PLAGL2: variants seen among roughly 807,000 people sequenced by gnomAD.
PLAGL2 encodes the protein zinc finger protein PLAGL2.
A neutral mutation model predicts 29.0 loss-of-function variants in PLAGL2; 7 were observed. The ratio of observed to expected loss-of-function variants is 0.24; its 90% CI spans 0.14 to 0.45. PLAGL2 has a LOEUF of 0.45. Among genes scored for constraint, PLAGL2 ranks in the 20% least tolerant of loss-of-function variants. The probability of loss-of-function intolerance (pLI) is 0.99; values close to 1 mark genes in which losing one functional copy is unlikely to be tolerated. For missense variants in PLAGL2, 454 were observed against 648.2 expected (o/e 0.70, Z 3.25); for synonymous variants, 234 against 266.0 (o/e 0.88, Z 1.17).
At chr20:32,202,333 A>T (rs1023790837) in intron 1 of PLAGL2, 41 bp from the exon 2 acceptor site, 2 of 669,210 alleles carry the variant, frequency 3.0e-6, no homozygotes, top group African/African-American at 3.6e-5. Context: ...GCCCAATACC[A>T]TGAGAACATG....
chr20:32,202,021 T>C lies in PLAGL2; in HGVS notation c.158A>G (p.Glu53Gly), dbSNP rs1330359408. ...CGGGAGGCTGTGAGGCCTCAGCTTC[T>C]CCCCATTTGAGAAAGGTGTTCCCGA... is the stretch of plus-strand genomic sequence containing the variant. ...EISGTPFSNG[E>G]KLRPHSLPQP... The change falls in exon 2 of 3, where the codon GAG (glutamate) becomes GGG (glycine). Residue 53 changes from glutamate (E) to glycine (G), a missense_variant. Physicochemically the swap from Glu to Gly is moderately conservative, Grantham distance 98. Around this residue, in one of 4 missense-constraint regions of PLAGL2, gnomAD observed 89 missense variants for 90.4 expected, o/e 0.98. Transcript: ENST00000246229. 6.2e-7 allele frequency: 1 copy of C among 1,614,080 alleles called. No homozygotes were observed. The highest frequency in any genetic ancestry group is 8.5e-7 in the Non-Finnish European group (1 of 1,180,014).
intron 1 of PLAGL2, among the ~76,000 whole-genome samples, chr20:32,204,080 C>A (rs1173142624): frequency 6.6e-6 from 1 of 152,136 alleles, no homozygotes; most frequent in Non-Finnish European, 1.5e-5. Flanking sequence ...GTTTGTAATA[C>A]CAGCAATTAC....
At chr20:32,199,053 T>C (rs1216502892) in intron 2 of PLAGL2, among the ~76,000 whole-genome samples, 1 of 152,168 alleles carries the variant, frequency 6.6e-6, no homozygotes, top group South Asian at 2.1e-4. Context: ...CAGCACCCAC[T>C]GTTTGCCAGG....
intron 1 of PLAGL2, among the ~76,000 whole-genome samples, chr20:32,203,933 A>G (rs2047272830): frequency 2.0e-5 from 3 of 152,184 alleles, no homozygotes; most frequent in Admixed American, 6.5e-5. Flanking sequence ...AGGGGTAGGT[A>G]GCACTAAAAA....
In PLAGL2 at chr20:32,195,415, G is replaced by A. The variant is rs1433436356; in HGVS notation, c.*1037C>T. On this transcript the variant is annotated 3_prime_UTR_variant, in exon 3 of 3. Coordinates refer to ENST00000246229, the MANE Select transcript of PLAGL2 (RefSeq NM_002657.3). ...TCATGATGTTCAAGGTGGGGACTAG[G>A]GGATGGGGAGGTGACGGACGTGGGC... 1.3e-5 allele frequency: 2 copies of A among 152,678 alleles called. No homozygotes were observed. The highest frequency in any genetic ancestry group is 2.9e-5 in the Non-Finnish European group (2 of 68,082). 9.5% of individuals were successfully genotyped at this position (152,678 alleles called of 1,614,324 possible).
At chr20:32,206,388 T>G (rs1326938135) in intron 1 of PLAGL2, among the ~76,000 whole-genome samples, 2 of 152,204 alleles carry the variant, frequency 1.3e-5, no homozygotes, top group Non-Finnish European at 2.9e-5. Context: ...CTGCTAATTC[T>G]TCTGTCAGTG....
chr20:32,196,401 A>T lies in PLAGL2; in HGVS notation c.*51T>A. ...CATGGGGGACACAGACGGGGTGGGT[A>T]CTAAGGCTCCATAACAGAGCCAAAA... On this transcript the variant is annotated 3_prime_UTR_variant, in exon 3 of 3. Transcript: ENST00000246229. 7.4e-7 allele frequency: 1 copy of T among 1,342,394 alleles called. No homozygotes were observed. Among genetic ancestry groups the T allele is most frequent in the Non-Finnish European group, 9.8e-7 (1 of 1,017,566 alleles). The allele number at this position is 1,342,394 out of a possible 1,614,324, so 83.2% of individuals were successfully genotyped here.
intron 1 of PLAGL2, among the ~76,000 whole-genome samples, chr20:32,204,364 A>C (rs1320142078): frequency 6.6e-6 from 1 of 152,200 alleles, no homozygotes; most frequent in African/African-American, 2.4e-5. Flanking sequence ...TGTTCTCCTG[A>C]ACAAGCACAA....
rs1280965897 is a variant in PLAGL2 at position 32,207,656 on chromosome 20, A to C, written c.-130T>G. 5.4e-6 allele frequency: 1 copy of C among 185,852 alleles called. No individual in the cohort carries two copies. Among genetic ancestry groups the C allele is most frequent in the Non-Finnish European group, 1.1e-5 (1 of 92,210 alleles). The allele number at this position is 185,852 out of a possible 1,614,324, so 11.5% of individuals were successfully genotyped here. A position where few individuals can be genotyped will look rare whatever the true frequency, so the allele number is the denominator to read the frequency against. On this transcript the variant is annotated 5_prime_UTR_variant, in exon 1 of 3. Coordinates refer to ENST00000246229, the MANE Select transcript of PLAGL2 (RefSeq NM_002657.3). ...CGGCACTCACCGCGCTCGGGGCCCC[A>C]CGCTGCGGGCCGGGCCGCGCTCGGG...
At chr20:32,206,717 G>C (rs1298163812) in intron 1 of PLAGL2, among the ~76,000 whole-genome samples, 2 of 152,186 alleles carry the variant, frequency 1.3e-5, no homozygotes, top group East Asian at 3.9e-4. Context: ...CCACCTAACA[G>C]GCCCCTTTCT....
intron 2 of PLAGL2, among the ~76,000 whole-genome samples, chr20:32,198,681 T>C (rs1166038748): frequency 1.1e-4 from 16 of 152,202 alleles, no homozygotes; most frequent in Non-Finnish European, 2.4e-4. Context: ...ATTTCCAAGA[T>C]ATACAGGGCT....
chr20:32,200,842 C>T (rs1414435458), intron 2 of PLAGL2, among the ~76,000 whole-genome samples: 1 of 152,216 alleles, frequency 6.6e-6, no homozygotes, highest in Non-Finnish European at 1.5e-5. Context: ...GATCCGCCCG[C>T]CTCAGCCTCC....
At chr20:32,205,922 A>G in intron 1 of PLAGL2, among the ~76,000 whole-genome samples, 1 of 152,176 alleles carries the variant, frequency 6.6e-6, no homozygotes, top group Non-Finnish European at 1.5e-5. Context: ...GTTCTTAACT[A>G]AAGAGACCCA....
In PLAGL2 at chr20:32,196,694, G is replaced by A; in HGVS notation, c.1249C>T (p.Leu417=). ...AGGTTGAGTGGAAGAAAGCCCAGTAGGTGGGAGAAGTCCACATTAGCAGCG... is the reference window on the plus strand; with the variant it reads ...AGGTTGAGTGGAAGAAAGCCCAGTAAGTGGGAGAAGTCCACATTAGCAGCG... The part of the protein sequence containing the change: ...LCAANVDFSH[L]LGFLPLNLPP... Residue 417 remains leucine (L), a synonymous_variant, in exon 3 of 3, where the codon CTA becomes TTA. Transcript: ENST00000246229. 1 of 1,554,840 alleles carries A rather than the reference G, an allele frequency of 6.4e-7. No homozygotes were observed. Among genetic ancestry groups the A allele is most frequent in the Non-Finnish European group, 8.7e-7 (1 of 1,150,210 alleles).
rs763604569 is a variant in PLAGL2, at chr20:32,196,451, G to A, written c.*1C>T. 5.5e-6 allele frequency: 8 copies of A among 1,467,018 alleles called. No individual in the cohort carries two copies. Among genetic ancestry groups the A allele is most frequent in the Non-Finnish European group, 7.2e-6 (8 of 1,108,666 alleles). The allele number at this position is 1,467,018 out of a possible 1,614,324, so 90.9% of individuals were successfully genotyped here. A position where few individuals can be genotyped will look rare whatever the true frequency, so the allele number is the denominator to read the frequency against. On this transcript the variant is annotated 3_prime_UTR_variant, in exon 3 of 3. Coordinates refer to ENST00000246229, the MANE Select transcript of PLAGL2 (RefSeq NM_002657.3). The stretch of plus-strand genomic sequence containing the variant: ...AACTGAGCTGAGGGCCTCTGTGGGG[G>A]CTACTGGAATGCTTGATGGAAACGA...
At chr20:32,205,425 G>A (rs2047281333) in intron 1 of PLAGL2, among the ~76,000 whole-genome samples, 1 of 152,048 alleles carries the variant, frequency 6.6e-6, no homozygotes, top group South Asian at 2.1e-4. Context: ...CTCTTAAGCA[G>A]AGAGCCACTT....
chr20:32,206,255 T>TCCCC (rs546647489), intron 1 of PLAGL2, among the ~76,000 whole-genome samples: 1 of 151,446 alleles, frequency 6.6e-6, no homozygotes, highest in African/African-American at 2.4e-5. Flanking sequence ...GTCGCCCCCT[T>TCCCC]CCCCCCCGCC....
chr20:32,201,891 C>T, intron 2 of PLAGL2, 28 bp downstream of exon 2: 1 of 1,593,558 alleles, frequency 6.3e-7, no homozygotes, highest in Non-Finnish European at 8.6e-7. Flanking sequence ...AACCTCAGGG[C>T]AGGAAGAGAT....
intron 1 of PLAGL2, among the ~76,000 whole-genome samples, chr20:32,206,763 A>G (rs1413435357): frequency 1.3e-5 from 2 of 152,210 alleles, no homozygotes; most frequent in Admixed American, 1.3e-4. Context: ...GTCCCAGGCC[A>G]ACTTTTAGAT....
Sources: allele counts gnomAD v4.1 joint callset (sites outside exome capture counted in the v4.1 genomes callset), GRCh38; gene constraint gnomAD v4.1.1; regional missense constraint gnomAD v4.1.1; transcripts MANE v1.5; gene names NCBI Gene and HGNC (gene_info 2026-07-23, HGNC 2026-07-21).